ADAM19: variants seen among roughly 807,000 people sequenced by gnomAD.
ADAM19 encodes disintegrin and metalloproteinase domain-containing protein 19.
ADAM19 carries 65 observed loss-of-function variants against 114.7 expected under a neutral mutation model. The observed-to-expected ratio is 0.57, with a 90% CI of 0.46 to 0.70. The LOEUF (loss-of-function observed/expected upper bound fraction) is 0.70, where lower values mean the gene tolerates loss of function less well. Ranked by LOEUF, ADAM19 falls within the 30% of genes least tolerant of loss-of-function variation. The pLI, the probability that ADAM19 is intolerant of heterozygous loss-of-function variation, is 0.00. For missense variants in ADAM19, 1,063 were observed against 1,204.7 expected, an observed-to-expected ratio of 0.88 and a Z score of 1.74; for synonymous variants, 466 against 460.5, an observed-to-expected ratio of 1.01 and a Z score of -0.15.
chr5:157,502,857 C>T lies in ADAM19; in HGVS notation c.1254G>A (p.Arg418=). The T allele has an allele frequency of 6.2e-7, 1 of 1,614,230 alleles. No homozygotes were observed. Among genetic ancestry groups the T allele is most frequent in the Non-Finnish European group, 8.5e-7 (1 of 1,180,038 alleles). Residue 418 remains arginine, a synonymous_variant, in exon 12 of 23, where the codon AGG becomes AGA. Transcript: ENST00000257527. ...CATCTTCCAGATACCCGTTCCCACA[C>T]CTCCGGCCTCCATACAACATCCTGG... ...PDTRMLYGGR[R]CGNGYLEDGE...
At chr5:157,483,189 C>A (rs1754814912) in intron 21 of ADAM19, among the ~76,000 whole-genome samples, 2 of 151,166 alleles carry the variant, frequency 1.3e-5, no homozygotes, top group African/African-American at 2.4e-5. Flanking sequence ...TGCACATGTA[C>A]CCCAGAACTT....
intron 12 of ADAM19, among the ~76,000 whole-genome samples, chr5:157,499,952 T>C (rs940043656): frequency 6.6e-6 from 1 of 150,530 alleles, no homozygotes; most frequent in Non-Finnish European, 1.5e-5. Flanking sequence ...CTAATTTTTG[T>C]ATTTTTAATA....
intron 3 of ADAM19, among the ~76,000 whole-genome samples, chr5:157,539,331 A>G (rs1046379703): frequency 3.9e-5 from 6 of 152,214 alleles, no homozygotes; most frequent in Non-Finnish European, 8.8e-5. Context: ...CTGCTCTTAA[A>G]AAGAAGAAAA....
chr5:157,513,543 C>A, intron 7 of ADAM19, 38 bp from the exon 8 acceptor site: 9 of 1,573,028 alleles, frequency 5.7e-6, no homozygotes, highest in Non-Finnish European at 7.9e-6. Flanking sequence ...GATCCCAGAA[C>A]CTCTCACAGG....
Position 157,570,988 on chromosome 5 carries a change from T to C in ADAM19, c.95-8A>G, listed in dbSNP as rs756694386. The C allele has an allele frequency of 2.5e-6, 4 of 1,613,416 alleles. No individual in the cohort carries two copies. In the African/African-American group the frequency reaches 4.0e-5, roughly 16 times the overall value. ...TGCCTTCCTCACTTCCTCCTGCCAA[T>C]ACAAGATGCAAAACCATTGGAATCC... On this transcript the variant is annotated splice_region_variant and splice_polypyrimidine_tract_variant and intron_variant, in intron 1 of 22. Coordinates refer to ENST00000257527, the MANE Select transcript of ADAM19 (RefSeq NM_033274.5).
intron 14 of ADAM19, among the ~76,000 whole-genome samples, chr5:157,496,632 T>A (rs552342599): frequency 6.6e-6 from 1 of 152,354 alleles, no homozygotes; most frequent in African/African-American, 2.4e-5. Flanking sequence ...TGCATTTGCT[T>A]CTCTGTCTCC....
At position 157,499,649 on chromosome 5, in the gene ADAM19, G is replaced by T. The variant is rs756500299; in HGVS notation, c.1322C>A (p.Pro441His). 2.5e-6 allele frequency: 4 copies of T among 1,611,302 alleles called. No homozygotes were observed. In the African/African-American group the frequency reaches 5.3e-5, roughly 22 times the overall value. ...DCGEEEECNN[P>H]CCNASNCTLR... ...GGTACAATTAGAGGCATTGCAGCAGGGGTTGTTACATTCCTGGGGAGGCAG... is the reference window on the plus strand; with the variant it reads ...GGTACAATTAGAGGCATTGCAGCAGTGGTTGTTACATTCCTGGGGAGGCAG... The change falls in exon 13 of 23, where the codon CCC (proline) becomes CAC (histidine). Residue 441 changes from proline (P) to histidine (H), a missense_variant. Around this residue, in one of 3 missense-constraint regions of ADAM19, gnomAD observed 615 missense variants for 706.3 expected, o/e 0.87. Transcript: ENST00000257527.
At chr5:157,562,057 A>C (rs962564359) in intron 3 of ADAM19, among the ~76,000 whole-genome samples, 2 of 152,174 alleles carry the variant, frequency 1.3e-5, no homozygotes, top group Non-Finnish European at 2.9e-5. Context: ...GATTTGAAAA[A>C]TTAGAAAATC....
intron 10 of ADAM19, 94 bp from the exon 11 acceptor site, chr5:157,505,902 T>C: frequency 2.2e-6 from 3 of 1,367,284 alleles, no homozygotes; most frequent in Non-Finnish European, 3.0e-6. Flanking sequence ...CTTGCAGGTC[T>C]CCACCAATTC....
chr5:157,486,702 CT>C (rs1341271976), intron 21 of ADAM19, among the ~76,000 whole-genome samples: 1 of 151,852 alleles, frequency 6.6e-6, no homozygotes, highest in African/African-American at 2.4e-5. Flanking sequence ...TCTGCTGGCA[CT>C]CCTGTTCTCC....
In ADAM19 at chr5:157,575,673, G is replaced by T. The variant is rs1757953963; in HGVS notation, c.24C>A (p.Ala8=). 3 of 1,355,362 alleles carry T rather than the reference G, an allele frequency of 2.2e-6. 1 individual carries two copies. In the African/African-American group the frequency reaches 4.6e-5, roughly 21 times the overall value. 84.0% of individuals were successfully genotyped at this position (1,355,362 alleles called of 1,614,324 possible). A position where few individuals can be genotyped will look rare whatever the true frequency, so the allele number is the denominator to read the frequency against. The change falls in exon 1 of 23, where the codon GCC becomes GCA. Residue 8 remains alanine (A), a synonymous_variant. Coordinates refer to ENST00000257527, the MANE Select transcript of ADAM19 (RefSeq NM_033274.5). MPGGAGA[A]RLCLLAFALQ... is the part of the protein sequence containing the mutation. ...GGGCAAACGCCAGCAAGCAGAGCCG[G>T]GCGGCGCCTGCGCCCCCTGGCATGG...
intron 8 of ADAM19, among the ~76,000 whole-genome samples, 198 bp from the exon 9 acceptor site, chr5:157,509,665 C>T (rs183648741): frequency 1.4e-4 from 22 of 152,308 alleles, no homozygotes; most frequent in African/African-American, 5.1e-4. Context: ...GCCCATGGCT[C>T]CAACAGAAGG....
chr5:157,490,339 A>T lies in ADAM19; in HGVS notation c.2211T>A (p.Ala737=). Residue 737 remains alanine (A), a synonymous_variant, in exon 19 of 23, where the codon GCT becomes GCA. Coordinates refer to ENST00000257527, the MANE Select transcript of ADAM19 (RefSeq NM_033274.5). ...NNKLGQLKPS[A]LPSKLRQQFS... ...ACTGTTGCCTCAGCTTGGAAGGGAGAGCTGAGGGCTTGAGTTGGCCTAGTT... is the reference window on the plus strand; with the variant it reads ...ACTGTTGCCTCAGCTTGGAAGGGAGTGCTGAGGGCTTGAGTTGGCCTAGTT... 1 of 1,613,970 alleles carries T rather than the reference A, an allele frequency of 6.2e-7. No homozygotes were observed. Among genetic ancestry groups the T allele is most frequent in the South Asian group, 1.1e-5 (1 of 91,052 alleles).
intron 13 of ADAM19, among the ~76,000 whole-genome samples, chr5:157,497,420 T>C (rs941618076): frequency 1.3e-5 from 2 of 152,216 alleles, no homozygotes; most frequent in Admixed American, 1.3e-4. Flanking sequence ...CACTTAAGTG[T>C]CCAGTACAAA....
chr5:157,509,435 G>T lies in ADAM19; in HGVS notation c.771C>A (p.Leu257=). ...CGTGGGTCCACACTTCCAAGCCCAC[G>T]AGAGCAATCCGGATGTTCAAGGATC... The part of the protein sequence containing the change: ...FYRSLNIRIA[L]VGLEVWTHGN... Residue 257 remains leucine, a synonymous_variant, in exon 9 of 23, where the codon CTC becomes CTA. Coordinates refer to ENST00000257527, the MANE Select transcript of ADAM19 (RefSeq NM_033274.5). 1.2e-6 allele frequency: 2 copies of T among 1,609,238 alleles called. No individual in the cohort carries two copies. Among genetic ancestry groups the T allele is most frequent in the Non-Finnish European group, 1.7e-6 (2 of 1,177,352 alleles).
intron 1 of ADAM19, among the ~76,000 whole-genome samples, chr5:157,571,267 G>C (rs1581364046): frequency 6.6e-6 from 1 of 152,198 alleles, no homozygotes; most frequent in East Asian, 1.9e-4. Context: ...ATGGAGTAAA[G>C]AGACATCTAT....
At chr5:157,501,891 G>T (rs1581305742) in intron 12 of ADAM19, among the ~76,000 whole-genome samples, 2 of 146,018 alleles carry the variant, frequency 1.4e-5, no homozygotes, top group South Asian at 2.2e-4. Flanking sequence ...TCTGCTAAAA[G>T]TACAAAAAAA....
Position 157,569,459 on chromosome 5 carries a change from T to C in ADAM19, c.180+1436A>G, listed in dbSNP as rs191382904. Among the ~76,000 whole-genome samples the C allele has an allele frequency of 2.3e-3, 336 of 144,868 alleles. 7 individuals carry two copies. Among genetic ancestry groups the C allele is most frequent in the Admixed American group, 0.02 (281 of 14,280 alleles). ...TTTTTGTAGAGATAGGATCTCAGTA[T>C]GGTGCCCCAGGCTGGTCTTAAATTC... On this transcript the variant is annotated intron_variant, in intron 2 of 22. Transcript: ENST00000257527.
intron 4 of ADAM19, among the ~76,000 whole-genome samples, chr5:157,531,676 G>GAA (rs781565661): frequency 1.4e-4 from 19 of 134,184 alleles, no homozygotes; most frequent in Admixed American, 5.2e-4. Context: ...CAAGGAAAAG[G>GAA]AAAAAAAAAA....
Sources: gnomAD v4.1 joint callset for allele counts (sites outside exome capture counted in the v4.1 genomes callset) on GRCh38, gnomAD v4.1.1 for gene constraint, gnomAD v4.1.1 regional missense constraint, MANE v1.5 for transcripts, NCBI Gene and HGNC (gene_info 2026-07-23, HGNC 2026-07-21) for gene names.